PFKFB2: variants seen among roughly 807,000 people sequenced by gnomAD.
PFKFB2 encodes the protein 6-phosphofructo-2-kinase/fructose-2,6-bisphosphatase 2.
In PFKFB2, 53 loss-of-function variants were observed where a neutral mutation model predicts 68.0. The observed-to-expected ratio is 0.78, with a 90% CI of 0.63 to 0.98. The LOEUF (loss-of-function observed/expected upper bound fraction) is 0.98, where lower values mean the gene tolerates loss of function less well. PFKFB2 is among the 50% of genes least tolerant of loss of function. The pLI, the probability that PFKFB2 is intolerant of heterozygous loss-of-function variation, is 0.00. For synonymous variants in PFKFB2, 222 were observed against 227.6 expected, an observed-to-expected ratio of 0.98 and a Z score of 0.22; for missense variants, 451 against 642.0, an observed-to-expected ratio of 0.70 and a Z score of 3.22.
chr1:207,063,478 T>A lies in PFKFB2; in HGVS notation c.450+57T>A. On this transcript the variant is annotated intron_variant, in intron 6 of 14. Transcript: ENST00000367080. The surrounding 1 kb of genome is among the most constrained non-coding windows in gnomAD (Gnocchi z 4.1). ...GATGAGTAGAGGTGGGGAGTCAGGC[T>A]ACAGGCATGGATCTCTCACTCTAGT... The A allele has an allele frequency of 1.7e-6, 2 of 1,183,494 alleles. No homozygotes were observed. Among genetic ancestry groups the A allele is most frequent in the Non-Finnish European group, 2.5e-6 (2 of 798,940 alleles). The allele number at this position is 1,183,494 out of a possible 1,614,324, so 73.3% of individuals were successfully genotyped here. A position where few individuals can be genotyped will look rare whatever the true frequency, so the allele number is the denominator to read the frequency against.
intron 2 of PFKFB2, among the ~76,000 whole-genome samples, chr1:207,058,771 G>A (rs1011810861): frequency 1.3e-5 from 2 of 152,148 alleles, no homozygotes; most frequent in African/African-American, 4.8e-5. Flanking sequence ...AGGATTACAG[G>A]CATAAGCCAC....
chr1:207,072,062 T>A (rs998322940), intron 14 of PFKFB2, 142 bp from the exon 15 acceptor site: 38 of 1,423,540 alleles, frequency 2.7e-5, no homozygotes, highest in Non-Finnish European at 3.6e-5. Flanking sequence ...GGCCAGGCCA[T>A]GGGCCATGCC....
intron 2 of PFKFB2, among the ~76,000 whole-genome samples, chr1:207,059,524 A>C (rs762694338): frequency 4.6e-5 from 7 of 152,178 alleles, no homozygotes; most frequent in African/African-American, 7.2e-5. Context: ...TTCAGGGTAC[A>C]GTTTGCTTGC....
rs1683204723 is a variant in PFKFB2, at chr1:207,063,940, A to G, written c.507+111A>G. ...GTTGTTGGGGAGGGGTGTTTTCGTAATGAAAGAGAGAAATAGACATGTTTA... is the reference window on the plus strand; with the variant it reads ...GTTGTTGGGGAGGGGTGTTTTCGTAGTGAAAGAGAGAAATAGACATGTTTA... On this transcript the variant is annotated intron_variant, in intron 7 of 14. Transcript: ENST00000367080. The surrounding 1 kb of genome is among the most constrained non-coding windows in gnomAD (Gnocchi z 4.1). The G allele has an allele frequency of 1.4e-6, 1 of 712,330 alleles. No individual in the cohort carries two copies. Among genetic ancestry groups the G allele is most frequent in the Non-Finnish European group, 2.5e-6 (1 of 402,862 alleles). 44.1% of individuals were successfully genotyped at this position (712,330 alleles called of 1,614,324 possible).
At chr1:207,059,734 A>G (rs947703571) in intron 2 of PFKFB2, among the ~76,000 whole-genome samples, 5 of 151,924 alleles carry the variant, frequency 3.3e-5, no homozygotes, top group African/African-American at 4.8e-5. Context: ...TTCTTGCCAA[A>G]CACCCTTAGG....
chr1:207,045,988 A>G (rs1349625122), intron 2 of PFKFB2: 1 of 152,060 alleles, frequency 6.6e-6, no homozygotes, highest in Non-Finnish European at 1.5e-5. Flanking sequence ...GATGGAACAC[A>G]CTAATGTCTT....
intron 2 of PFKFB2, among the ~76,000 whole-genome samples, chr1:207,061,201 A>ATATATATATATATATT (rs1683106221): frequency 8.8e-6 from 1 of 114,222 alleles, no homozygotes; most frequent in African/African-American, 3.2e-5. Context: ...ATATATATAT[A>ATATATATATATATATT]TTTTAAGAGA....
intron 2 of PFKFB2, among the ~76,000 whole-genome samples, chr1:207,055,423 T>C (rs1304413187): frequency 6.6e-6 from 1 of 152,164 alleles, no homozygotes; most frequent in Non-Finnish European, 1.5e-5. Flanking sequence ...GTCTTTTAGA[T>C]AGAAACAGCA....
intron 1 of PFKFB2, among the ~76,000 whole-genome samples, chr1:207,040,546 T>C (rs1243814342): frequency 6.6e-6 from 1 of 152,242 alleles, no homozygotes; most frequent in African/African-American, 2.4e-5. Context: ...CTTGAATTCA[T>C]TTTATGAGGA....
Position 207,070,408 on chromosome 1 carries a change from A to G in PFKFB2, c.1221A>G (p.Ala407=). 1 of 1,613,592 alleles carries G rather than the reference A, an allele frequency of 6.2e-7. No homozygotes were observed. The highest frequency in any genetic ancestry group is 8.5e-7 in the Non-Finnish European group (1 of 1,179,776). Residue 407 remains alanine, a splice_region_variant and synonymous_variant, in exon 12 of 15, where the codon GCA becomes GCG. Transcript: ENST00000367080. This position sits in a 1 kb window ranked among gnomAD's most constrained non-coding sequence, Gnocchi z 4.2. ...TGGCCTACTTCTTGGATAAGGGCGC[A>G]GGTGCCTTTGAGGGAGGGGCTGGGA... The part of the protein sequence containing the change: ...CLLAYFLDKG[A]DELPYLRCPL...
At position 207,063,550 on chromosome 1, in the gene PFKFB2, C is replaced by T; in HGVS notation, c.450+129C>T. On this transcript the variant is annotated intron_variant, in intron 6 of 14. Transcript: ENST00000367080. The surrounding 1 kb of genome is among the most constrained non-coding windows in gnomAD (Gnocchi z 4.1). ...TCTGAATCTCTTCTCTCAGAGCATT[C>T]CCCCAGTCCTTGAGTGTTTTCATTC... 2 of 761,528 alleles carry T rather than the reference C, an allele frequency of 2.6e-6. No homozygotes were observed. Among genetic ancestry groups the T allele is most frequent in the East Asian group, 2.6e-5 (1 of 38,284 alleles). The allele number at this position is 761,528 out of a possible 1,614,324, so 47.2% of individuals were successfully genotyped here. A position where few individuals can be genotyped will look rare whatever the true frequency, so the allele number is the denominator to read the frequency against.
intron 1 of PFKFB2, among the ~76,000 whole-genome samples, chr1:207,034,636 G>A (rs1026364593): frequency 6.6e-6 from 1 of 152,072 alleles, no homozygotes; most frequent in Non-Finnish European, 1.5e-5. Flanking sequence ...GTAGAAGCAG[G>A]GACATAGACA....
At chr1:207,049,570 T>C (rs772977018), upstream of PFKFB2, 1 of 1,614,172 alleles carries the variant, frequency 6.2e-7, no homozygotes. Context: ...GACGACATAG[T>C]ACACACTAGT....
rs1005185404 is a variant in PFKFB2, at chr1:207,077,144, T to G, written c.*4773T>G. The G allele has an allele frequency of 1.0e-6, 1 of 985,162 alleles. No individual in the cohort carries two copies. Among genetic ancestry groups the G allele is most frequent in the African/African-American group, 1.7e-5 (1 of 57,190 alleles). The allele number at this position is 985,162 out of a possible 1,614,324, so 61.0% of individuals were successfully genotyped here. The stretch of plus-strand genomic sequence containing the variant: ...GTTACCTTTACTTGAAGTCATCTCA[T>G]CCAGTCCCCTGCTTTAGGGCAGGAC... On this transcript the variant is annotated 3_prime_UTR_variant, in exon 15 of 15. Coordinates refer to ENST00000367080, the MANE Select transcript of PFKFB2 (RefSeq NM_006212.2).
intron 2 of PFKFB2, chr1:207,045,641 C>T (rs377455616): frequency 2.6e-5 from 4 of 152,024 alleles, no homozygotes; most frequent in East Asian, 1.9e-4. Context: ...GCATACTTCC[C>T]ATTCCATTTT....
intron 2 of PFKFB2, among the ~76,000 whole-genome samples, chr1:207,042,580 A>AAAAAAAAAAAAAAAAAC (rs1682502151): frequency 7.0e-6 from 1 of 143,182 alleles, no homozygotes; most frequent in African/African-American, 2.7e-5. Flanking sequence ...AAAAAAAAAA[A>AAAAAAAAAAAAAAAAAC]AGACTATTGC....
intron 2 of PFKFB2, chr1:207,045,219 G>A (rs1004850963): frequency 1.3e-5 from 2 of 152,354 alleles, no homozygotes; most frequent in Non-Finnish European, 2.9e-5. Flanking sequence ...GAAATTATCA[G>A]TCATCTCTGC....
chr1:207,050,548 T>C (rs1682714168), upstream of PFKFB2: 5 of 1,098,002 alleles, frequency 4.6e-6, no homozygotes, highest in Non-Finnish European at 6.4e-6. Context: ...GCATTCTCTG[T>C]TCTTTGATCT....
chr1:207,060,962 A>ATATATATCTATATATATATCTATATATC (rs1683070018), intron 2 of PFKFB2: 1 of 140,310 alleles, frequency 7.1e-6, no homozygotes, highest in African/African-American at 2.8e-5. Flanking sequence ...TAAGTTAAAT[A>ATATATATCTATATATATATCTATATATC]TATATATCTA....
Sources: gnomAD v4.1 joint callset for allele counts (sites outside exome capture counted in the v4.1 genomes callset) on GRCh38, gnomAD v4.1.1 for gene constraint, Gnocchi (gnomAD v3.1) non-coding constraint, MANE v1.5 for transcripts, NCBI Gene and HGNC (gene_info 2026-07-23, HGNC 2026-07-21) for gene names.